The following SPAG16 variants were observed in gnomAD, a reference collection of about 807,000 sequenced individuals.
The protein encoded by SPAG16 is sperm associated antigen 16.
Under a neutral mutation model 80.4 loss-of-function variants are expected in SPAG16, and 86 were observed. That is an observed-to-expected ratio of 1.07 (90% CI 0.90 to 1.28). The LOEUF is 1.28. SPAG16 is among the 50% of genes most tolerant of loss of function. The probability of loss-of-function intolerance (pLI) is 0.00; values close to 1 mark genes in which losing one functional copy is unlikely to be tolerated. For synonymous variants in SPAG16, 294 were observed against 265.9 expected (o/e 1.11, Z -1.03); for missense variants, 870 against 765.3 (o/e 1.14, Z -1.61).
At chr2:213,828,402 A>G (rs1167334399) in intron 10 of SPAG16, among the ~76,000 whole-genome samples, 1 of 152,114 alleles carries the variant, frequency 6.6e-6, no homozygotes, top group Non-Finnish European at 1.5e-5. Context: ...TGTTAAATGT[A>G]TTTGATAGGA....
chr2:213,973,548 C>A (rs2045198347), intron 12 of SPAG16, among the ~76,000 whole-genome samples: 1 of 152,042 alleles, frequency 6.6e-6, no homozygotes, highest in Non-Finnish European at 1.5e-5. Flanking sequence ...CGGTTAACAT[C>A]TTCAGGACTG....
intron 15 of SPAG16, among the ~76,000 whole-genome samples, chr2:214,351,574 G>T (rs1190354171): frequency 1.3e-5 from 2 of 152,068 alleles, no homozygotes; most frequent in African/African-American, 2.4e-5. Flanking sequence ...GTGGTGGCAG[G>T]TGCCTGTAGT....
At chr2:214,138,993 T>C (rs1170014439) in intron 14 of SPAG16, among the ~76,000 whole-genome samples, 1 of 152,096 alleles carries the variant, frequency 6.6e-6, no homozygotes, top group African/African-American at 2.4e-5. Context: ...GCTAAGTGGA[T>C]CTACTCCAAA....
intron 4 of SPAG16, among the ~76,000 whole-genome samples, chr2:213,312,029 TG>T (rs1247401007): frequency 6.6e-6 from 1 of 151,684 alleles, no homozygotes; most frequent in Non-Finnish European, 1.5e-5. Context: ...GGGCCAAATC[TG>T]GCCTGCTTCC....
intron 15 of SPAG16, among the ~76,000 whole-genome samples, chr2:214,170,618 CT>C (rs2056840164): frequency 6.6e-6 from 1 of 151,914 alleles, no homozygotes; most frequent in Non-Finnish European, 1.5e-5. Context: ...TCAAATAAGC[CT>C]TTTATTTATG....
chr2:214,377,346 CATT>C (rs1700188518), intron 15 of SPAG16, among the ~76,000 whole-genome samples: 1 of 152,130 alleles, frequency 6.6e-6, no homozygotes, highest in African/African-American at 2.4e-5. Context: ...AAAGTCTTAA[CATT>C]ATGAGAAAAA....
intron 15 of SPAG16, among the ~76,000 whole-genome samples, chr2:214,161,559 T>G (rs996528555): frequency 8.5e-5 from 13 of 152,148 alleles, no homozygotes; most frequent in African/African-American, 2.9e-4. Flanking sequence ...ATCAGTGATG[T>G]TGAGCTTTTT....
chr2:213,973,922 A>G (rs774133428), intron 12 of SPAG16, among the ~76,000 whole-genome samples: 1 of 152,168 alleles, frequency 6.6e-6, no homozygotes, highest in Non-Finnish European at 1.5e-5. Flanking sequence ...CGGACCCTCA[A>G]GAATTTGAGA....
chr2:213,713,513 T>C (rs373122133), intron 10 of SPAG16, among the ~76,000 whole-genome samples: 49 of 152,222 alleles, frequency 3.2e-4, no homozygotes, highest in African/African-American at 1.2e-3. Context: ...TCTGAAGAAG[T>C]CACAAGTACC....
At chr2:213,407,986 GGA>G (rs1179837072) in intron 9 of SPAG16, among the ~76,000 whole-genome samples, 13 of 135,744 alleles carry the variant, frequency 9.6e-5, no homozygotes, top group African/African-American at 3.6e-4. Flanking sequence ...GAGAGAGAGA[GGA>G]GAGAGGCAGA....
At chr2:214,222,548 GTCAC>G (rs1030030719) in intron 15 of SPAG16, among the ~76,000 whole-genome samples, 1 of 152,100 alleles carries the variant, frequency 6.6e-6, no homozygotes, top group Non-Finnish European at 1.5e-5. Context: ...GAAAATTTTT[GTCAC>G]TCAATCTGTG....
At chr2:213,724,575 C>T (rs974974398) in intron 10 of SPAG16, among the ~76,000 whole-genome samples, 8 of 151,196 alleles carry the variant, frequency 5.3e-5, no homozygotes, top group African/African-American at 1.2e-4. Flanking sequence ...GTCCGGAGTT[C>T]GAGACCATCC....
intron 11 of SPAG16, among the ~76,000 whole-genome samples, chr2:213,882,187 A>C (rs952777723): frequency 1.3e-5 from 2 of 152,166 alleles, no homozygotes; most frequent in African/African-American, 4.8e-5. Flanking sequence ...AGCCTACTAC[A>C]TCATGGTTTG....
chr2:213,576,494 A>T (rs760998320), intron 10 of SPAG16, among the ~76,000 whole-genome samples: 1 of 152,180 alleles, frequency 6.6e-6, no homozygotes, highest in Non-Finnish European at 1.5e-5. Flanking sequence ...AAGGAATATA[A>T]ATCATTCTGT....
chr2:213,636,903 T>C (rs1040584400), intron 10 of SPAG16, among the ~76,000 whole-genome samples: 1 of 152,184 alleles, frequency 6.6e-6, no homozygotes, highest in African/African-American at 2.4e-5. Context: ...TGGCAAAAAG[T>C]GACAATTTGA....
At chr2:214,117,874 T>C (rs149887622) in intron 14 of SPAG16, among the ~76,000 whole-genome samples, 116 of 152,208 alleles carry the variant, frequency 7.6e-4, no homozygotes, top group African/African-American at 2.6e-3. Context: ...AAAGGCCATA[T>C]ATGAGAAACC....
chr2:213,693,843 A>G (rs532900548), intron 10 of SPAG16, among the ~76,000 whole-genome samples: 3 of 152,340 alleles, frequency 2.0e-5, no homozygotes, highest in African/African-American at 7.2e-5. Flanking sequence ...AAAGTGGACT[A>G]TCTGGCACTG....
intron 15 of SPAG16, among the ~76,000 whole-genome samples, chr2:214,403,146 G>A (rs1221639697): frequency 4.6e-5 from 7 of 151,238 alleles, no homozygotes; most frequent in Admixed American, 4.6e-4. Flanking sequence ...CTTACAAGCT[G>A]TGTGGCCTTG....
chr2:213,870,726 G>A (rs937823292), intron 11 of SPAG16, among the ~76,000 whole-genome samples: 2 of 152,124 alleles, frequency 1.3e-5, no homozygotes, highest in African/African-American at 4.8e-5. Context: ...GGTTGTTGTT[G>A]TTTGGCAGAA....
Sources: gnomAD v4.1 joint callset for allele counts (sites outside exome capture counted in the v4.1 genomes callset) on GRCh38, gnomAD v4.1.1 for gene constraint, MANE v1.5 for transcripts, NCBI Gene and HGNC (gene_info 2026-07-23, HGNC 2026-07-21) for gene names.